Variants in SHROOM2 observed in about 807,000 individuals in gnomAD.
SHROOM2 encodes shroom family member 2, also known as protein Shroom2.
SHROOM2 carries 33 observed loss-of-function variants against 75.9 expected under a neutral mutation model. The observed-to-expected ratio is 0.43, with a 90% CI of 0.33 to 0.58. The LOEUF is 0.58. Ranked by LOEUF, SHROOM2 falls within the 20% of genes least tolerant of loss-of-function variation. SHROOM2 has a pLI of 0.04. For missense variants in SHROOM2, 1,434 were observed against 1,461.2 expected, an observed-to-expected ratio of 0.98 and a Z score of 0.30; for synonymous variants, 655 against 663.6, an observed-to-expected ratio of 0.99 and a Z score of 0.20.
At chrX:9,916,428 T>C (rs897301381) in intron 5 of SHROOM2, among the ~76,000 whole-genome samples, 3 of 112,182 alleles carry the variant, frequency 2.7e-5, no homozygotes, top group Non-Finnish European at 5.6e-5. Flanking sequence ...AGCAGATATC[T>C]GTAGTGAAAT....
chrX:9,865,653 C>G (rs918362811), intron 1 of SHROOM2: 1 of 102,029 alleles, frequency 9.8e-6, no homozygotes, highest in African/African-American at 3.7e-5. Context: ...CTCTGCCTCC[C>G]AGGTTCACAC....
intron 2 of SHROOM2, among the ~76,000 whole-genome samples, chrX:9,885,858 C>T (rs748381546): frequency 5.7e-4 from 58 of 102,144 alleles, no homozygotes; most frequent in Non-Finnish European, 4.7e-4. Flanking sequence ...GAGGCTGAGG[C>T]GGGAGGATCA....
At chrX:9,866,518 G>GTCCA (rs781224916) in intron 1 of SHROOM2, among the ~76,000 whole-genome samples, 3 of 110,937 alleles carry the variant, frequency 2.7e-5, no homozygotes, top group African/African-American at 9.8e-5. Flanking sequence ...CAGGTGACAT[G>GTCCA]TCCAGATCTT....
rs148095388 is a variant in SHROOM2, at chrX:9,788,042, G to A, written c.165+1332G>A. On this transcript the variant is annotated intron_variant, in intron 1 of 9. Coordinates refer to ENST00000380913, the MANE Select transcript of SHROOM2 (RefSeq NM_001649.4). Reference sequence around the variant, plus strand: ...TGTTCTGTCAGCCTCCTGAGTAGCTGGGACCACAGATGTGCGCCACCATGC... The same window carrying A: ...TGTTCTGTCAGCCTCCTGAGTAGCTAGGACCACAGATGTGCGCCACCATGC... Among the ~76,000 whole-genome samples the A allele has an allele frequency of 4.9e-3, 499 of 102,320 alleles. 2 individuals are homozygous for A. The highest frequency in any genetic ancestry group is 7.9e-3 in the Non-Finnish European group (403 of 51,070). The allele number at this position is 102,320 out of a possible 115,157, so 88.9% of individuals were successfully genotyped here. A position where few individuals can be genotyped will look rare whatever the true frequency, so the allele number is the denominator to read the frequency against.
At chrX:9,892,382 AT>A (rs1308143509) in intron 3 of SHROOM2, among the ~76,000 whole-genome samples, 9 of 110,511 alleles carry the variant, frequency 8.1e-5, no homozygotes, top group African/African-American at 3.0e-4. Flanking sequence ...AGATGATGGT[AT>A]TTAGAGCCCA....
chrX:9,801,479 T>C (rs2083723744), intron 1 of SHROOM2, among the ~76,000 whole-genome samples: 1 of 112,392 alleles, frequency 8.9e-6, no homozygotes, highest in African/African-American at 3.2e-5. Flanking sequence ...ATTTGTCATA[T>C]GTGACTGTTG....
intron 1 of SHROOM2, among the ~76,000 whole-genome samples, chrX:9,795,690 A>G: frequency 9.2e-6 from 1 of 108,395 alleles, no homozygotes; most frequent in Admixed American, 1.0e-4. Context: ...GATCAGGTGA[A>G]GCTGTTTCCC....
chrX:9,866,425 T>TA (rs202060177), intron 1 of SHROOM2, among the ~76,000 whole-genome samples: 23,137 of 107,070 alleles, frequency 0.22, 2,464 homozygotes, highest in African/African-American at 0.38. Context: ...ATATTGGACT[T>TA]AAAAAAAAAC....
intron 8 of SHROOM2, among the ~76,000 whole-genome samples, chrX:9,943,516 A>G (rs2084790278): frequency 1.8e-5 from 2 of 111,581 alleles, no homozygotes; most frequent in Non-Finnish European, 1.9e-5. Flanking sequence ...ACAAGTAGAA[A>G]AAAGGTCATC....
At chrX:9,825,725 G>A (rs1338949402) in intron 1 of SHROOM2, among the ~76,000 whole-genome samples, 1 of 111,923 alleles carries the variant, frequency 8.9e-6, no homozygotes, top group African/African-American at 3.3e-5. Context: ...GTTTCAGTGA[G>A]GAAGATAGTA....
At position 9,895,001 on chromosome X, in the gene SHROOM2, C is replaced by T. The variant is rs139392103; in HGVS notation, c.1093C>T (p.Leu365Phe). 7.4e-6 allele frequency: 9 copies of T among 1,208,695 alleles called. No homozygotes were observed. Among genetic ancestry groups the T allele is most frequent in the Admixed American group, 6.5e-5 (3 of 45,883 alleles). Residue 365 changes from leucine (L) to phenylalanine (F), a missense_variant, in exon 4 of 10, where the codon CTC becomes TTC. By Grantham distance (22) the Leu-to-Phe change is conservative. Transcript: ENST00000380913. Reference sequence around the variant, plus strand: ...GCCTCGTGGTGACCGGAGACCAGAGCTCACCGATCGGCCTTGGAGGTCAGC... The same window carrying T: ...GCCTCGTGGTGACCGGAGACCAGAGTTCACCGATCGGCCTTGGAGGTCAGC... ...AQPRGDRRPELTDRPWRSAHP... is the reference protein window; with the variant it reads ...AQPRGDRRPEFTDRPWRSAHP...
chrX:9,941,325 C>G (rs2084766553), intron 8 of SHROOM2, among the ~76,000 whole-genome samples: 1 of 111,818 alleles, frequency 8.9e-6, no homozygotes, highest in Non-Finnish European at 1.9e-5. Flanking sequence ...AAGCCACGCA[C>G]TGCAAGAAAT....
chrX:9,864,988 G>A (rs911094945), intron 1 of SHROOM2: 1 of 111,796 alleles, frequency 8.9e-6, no homozygotes, highest in African/African-American at 3.2e-5. Context: ...ACTCCAGCCT[G>A]TGCAACAGAG....
intron 2 of SHROOM2, among the ~76,000 whole-genome samples, chrX:9,889,790 T>A (rs941046655): frequency 2.7e-5 from 3 of 111,573 alleles, no homozygotes; most frequent in Non-Finnish European, 5.6e-5. Flanking sequence ...ATGCGGCTAC[T>A]AGTCTTAGTT....
intron 1 of SHROOM2, among the ~76,000 whole-genome samples, chrX:9,863,625 A>G (rs1019229486): frequency 1.9e-5 from 2 of 106,500 alleles, no homozygotes; most frequent in East Asian, 2.9e-4. Context: ...GGGGGGGTGT[A>G]TATTTCTTAA....
chrX:9,812,972 C>T (rs765147154), intron 1 of SHROOM2, among the ~76,000 whole-genome samples: 8 of 112,217 alleles, frequency 7.1e-5, no homozygotes, highest in Admixed American at 3.8e-4. Flanking sequence ...GTGAAGCTTA[C>T]GATAATCCAG....
intron 2 of SHROOM2, among the ~76,000 whole-genome samples, chrX:9,890,100 C>T (rs1293721756): frequency 8.9e-6 from 1 of 112,882 alleles, no homozygotes; most frequent in African/African-American, 3.2e-5. Context: ...AGTGTGGTGG[C>T]TCACACCTGT....
At chrX:9,891,888 T>TGC (rs1236550793) in intron 3 of SHROOM2, among the ~76,000 whole-genome samples, 1 of 106,308 alleles carries the variant, frequency 9.4e-6, no homozygotes, top group African/African-American at 3.7e-5. Context: ...TGTGTGTGTG[T>TGC]GTGTGCGCGT....
intron 1 of SHROOM2, among the ~76,000 whole-genome samples, chrX:9,852,093 A>AGT (rs755350147): frequency 2.7e-5 from 3 of 111,945 alleles, no homozygotes; most frequent in Non-Finnish European, 3.8e-5. Flanking sequence ...TCTCTCGTGA[A>AGT]GTGGATCAAG....
Sources: allele counts gnomAD v4.1 joint callset (sites outside exome capture counted in the v4.1 genomes callset), GRCh38; gene constraint gnomAD v4.1.1; transcripts MANE v1.5; gene names NCBI Gene and HGNC (gene_info 2026-07-23, HGNC 2026-07-21).